Variants in ARGLU1 observed in about 807,000 individuals in gnomAD.
ARGLU1 encodes arginine and glutamate-rich protein 1.
In ARGLU1, 9 loss-of-function variants were observed where a neutral mutation model predicts 37.6. The ratio of observed to expected loss-of-function variants is 0.24; its 90% CI spans 0.14 to 0.42. ARGLU1 has a LOEUF of 0.42. Among genes scored for constraint, ARGLU1 ranks in the 10% least tolerant of loss-of-function variants. The probability of loss-of-function intolerance (pLI) is 1.00; values close to 1 mark genes in which losing one functional copy is unlikely to be tolerated. For missense variants in ARGLU1, 211 were observed against 359.2 expected, an observed-to-expected ratio of 0.59 and a Z score of 3.34; for synonymous variants, 166 against 138.5, an observed-to-expected ratio of 1.20 and a Z score of -1.39.
At chr13:106,548,633 T>C (rs1203936883) in intron 3 of ARGLU1, among the ~76,000 whole-genome samples, 1 of 152,172 alleles carries the variant, frequency 6.6e-6, no homozygotes, top group Non-Finnish European at 1.5e-5. Flanking sequence ...AAGGTGGCTT[T>C]CAACTTTGTA....
rs539812799 is a variant in ARGLU1, at chr13:106,549,805, G to A, written c.658-5645C>T. On this transcript the variant is annotated intron_variant, in intron 3 of 3. Transcript: ENST00000400198. ...CCATGGATTCCATGTTACCTGAAGT[G>A]AAGACAACTGTTTCAAAAGGAGGAA... Among the ~76,000 whole-genome samples the A allele has an allele frequency of 3.9e-5, 6 of 152,262 alleles. No individual in the cohort carries two copies. In the South Asian group the frequency reaches 1.2e-3, roughly 32 times the overall value.
At chr13:106,558,133 T>A (rs1880702829) in intron 2 of ARGLU1, 1 of 984,342 alleles carries the variant, frequency 1.0e-6, no homozygotes, top group South Asian at 4.7e-5. Context: ...AAAAAAAAAT[T>A]GTTAATATGA....
At position 106,557,653 on chromosome 13, in the gene ARGLU1, T is replaced by C; in HGVS notation, c.574-522A>G. On this transcript the variant is annotated intron_variant, in intron 2 of 3. Transcript: ENST00000400198. The surrounding 1 kb of genome is among the most constrained non-coding windows in gnomAD (Gnocchi z 5.0). ...TTTGTACTGTTAGCTTGGCAATACC[T>C]GCATCAGCAGCTCAACCATTTATAA... is the stretch of plus-strand genomic sequence containing the variant. 1 of 1,575,520 alleles carries C rather than the reference T, an allele frequency of 6.3e-7. No individual in the cohort carries two copies. Among genetic ancestry groups the C allele is most frequent in the South Asian group, 1.2e-5 (1 of 85,830 alleles).
At chr13:106,549,681 C>T (rs982988736) in intron 3 of ARGLU1, among the ~76,000 whole-genome samples, 1 of 152,184 alleles carries the variant, frequency 6.6e-6, no homozygotes, top group Non-Finnish European at 1.5e-5. Context: ...TTCCTATCAC[C>T]ACCTACTCCC....
chr13:106,552,248 A>G (rs1880549791), intron 3 of ARGLU1, among the ~76,000 whole-genome samples: 1 of 152,240 alleles, frequency 6.6e-6, no homozygotes, highest in Admixed American at 6.5e-5. Flanking sequence ...TGAACTTGGC[A>G]AGGGGTGAGA....
chr13:106,555,067 G>T (rs1480839798), intron 3 of ARGLU1, among the ~76,000 whole-genome samples: 1 of 151,646 alleles, frequency 6.6e-6, no homozygotes, highest in East Asian at 2.0e-4. Context: ...TCAGAATAGT[G>T]TCACTCTGGG....
chr13:106,554,358 T>C (rs1229706925), intron 3 of ARGLU1, among the ~76,000 whole-genome samples: 6 of 152,198 alleles, frequency 3.9e-5, no homozygotes, highest in Admixed American at 3.3e-4. Flanking sequence ...TTGCTTTATA[T>C]GGTATCAAGT....
rs898974689 is a variant in ARGLU1, at chr13:106,543,902, A to AAAAAAC, written c.*88_*93dup. ...CTAACTTTCCAGATTTTACAAATTA[A>AAAAAAC]AAAAACAAAAACAAAAACAAAAAAC... On this transcript the variant is annotated 3_prime_UTR_variant, in exon 4 of 4. Transcript: ENST00000400198. The AAAAAAC allele has an allele frequency of 6.9e-6, 9 of 1,311,172 alleles. No individual in the cohort carries two copies. Among genetic ancestry groups the AAAAAAC allele is most frequent in the African/African-American group, 6.2e-5 (4 of 64,826 alleles). The allele number at this position is 1,311,172 out of a possible 1,614,324, so 81.2% of individuals were successfully genotyped here.
rs142251600 is a variant in ARGLU1 at position 106,567,075 on chromosome 13, G to A, written c.347+498C>T. Among the ~76,000 whole-genome samples the A allele has an allele frequency of 2.2e-4, 34 of 152,134 alleles. No individual in the cohort carries two copies. The highest frequency in any genetic ancestry group is 7.7e-4 in the African/African-American group (32 of 41,510). Reference sequence around the variant, plus strand: ...GGACCACCTAAAGTGTATGATTCCCGAGATTAGTTAAGTCCTGTCCCAAAT... The same window carrying A: ...GGACCACCTAAAGTGTATGATTCCCAAGATTAGTTAAGTCCTGTCCCAAAT... On this transcript the variant is annotated intron_variant, in intron 1 of 3. Coordinates refer to ENST00000400198, the MANE Select transcript of ARGLU1 (RefSeq NM_018011.4). This position sits in a 1 kb window ranked among gnomAD's most constrained non-coding sequence, Gnocchi z 4.3.
chr13:106,554,847 T>C (rs892131344), intron 3 of ARGLU1, among the ~76,000 whole-genome samples: 1 of 150,340 alleles, frequency 6.7e-6, no homozygotes, highest in Admixed American at 6.6e-5. Flanking sequence ...ACTCCGCCAC[T>C]GCACTCCAGC....
intron 1 of ARGLU1, among the ~76,000 whole-genome samples, chr13:106,564,321 ACAT>A (rs1192577947): frequency 2.0e-5 from 3 of 152,222 alleles, no homozygotes; most frequent in Admixed American, 6.5e-5. Flanking sequence ...TACTTTAAAT[ACAT>A]CATCTCCAAT....
In ARGLU1 at chr13:106,561,505, C is replaced by T. The variant is rs529975940; in HGVS notation, c.348-1848G>A. Among the ~76,000 whole-genome samples the T allele has an allele frequency of 9.2e-4, 139 of 151,020 alleles. 1 individual carries two copies. The highest frequency in any genetic ancestry group is 3.2e-3 in the African/African-American group (131 of 41,020). ...TCTGAAATTAGTAAATGTAGAGAAGCCTAAGAAGAAACTTAATATTTAAAA... is the reference window on the plus strand; with the variant it reads ...TCTGAAATTAGTAAATGTAGAGAAGTCTAAGAAGAAACTTAATATTTAAAA... On this transcript the variant is annotated intron_variant, in intron 1 of 3. Transcript: ENST00000400198.
At chr13:106,558,393 C>A (rs1880711440) in intron 2 of ARGLU1, 1 of 985,262 alleles carries the variant, frequency 1.0e-6, no homozygotes, top group Admixed American at 6.2e-5. Flanking sequence ...AATATGTCAA[C>A]TTGTCCACAA....
chr13:106,565,242 A>G lies in ARGLU1; in HGVS notation c.347+2331T>C, dbSNP rs926750425. On this transcript the variant is annotated intron_variant, in intron 1 of 3. Coordinates refer to ENST00000400198, the MANE Select transcript of ARGLU1 (RefSeq NM_018011.4). ...CCTCTCCAGTCACTCCATGACTTAA[A>G]TATTTATAGAACTTCGTGTTCTAAG... Among the ~76,000 whole-genome samples, 6 of 152,316 alleles carry G rather than the reference A, an allele frequency of 3.9e-5. No individual in the cohort carries two copies. In the South Asian group the frequency reaches 1.2e-3, roughly 32 times the overall value.
In ARGLU1 at chr13:106,568,033, T is replaced by C; in HGVS notation, c.-114A>G. On this transcript the variant is annotated 5_prime_UTR_variant, in exon 1 of 4. Transcript: ENST00000400198. ...CTACCGAGGCCGGAGGAAAGAAAGG[T>C]GTCGGCCAACGGACTTTATGCCTTT... 7.0e-7 allele frequency: 1 copy of C among 1,430,528 alleles called. No homozygotes were observed. The highest frequency in any genetic ancestry group is 1.4e-5 in the South Asian group (1 of 70,828). 88.6% of individuals were successfully genotyped at this position (1,430,528 alleles called of 1,614,324 possible). A position where few individuals can be genotyped will look rare whatever the true frequency, so the allele number is the denominator to read the frequency against.
chr13:106,547,237 C>T (rs114153177), intron 3 of ARGLU1, among the ~76,000 whole-genome samples: 1,838 of 152,212 alleles, frequency 0.012, 29 homozygotes, highest in African/African-American at 0.042. Context: ...CCTGTTAGAG[C>T]AGCAAAAAAT....
At chr13:106,546,892 A>T (rs146875624) in intron 3 of ARGLU1, among the ~76,000 whole-genome samples, 66 of 152,294 alleles carry the variant, frequency 4.3e-4, no homozygotes, top group African/African-American at 1.6e-3. Flanking sequence ...TGGTTTCAGT[A>T]TGTCCCCCAA....
At chr13:106,562,748 T>C (rs1177035794) in intron 1 of ARGLU1, among the ~76,000 whole-genome samples, 1 of 152,132 alleles carries the variant, frequency 6.6e-6, no homozygotes, top group South Asian at 2.1e-4. Context: ...TCCCAGCACT[T>C]TGGGAGGCCC....
chr13:106,559,035 A>C (rs1297204892), intron 2 of ARGLU1: 1 of 1,193,664 alleles, frequency 8.4e-7, no homozygotes, highest in African/African-American at 1.6e-5. Context: ...AAAGCCTCTC[A>C]CAGTCTAGGT....
Sources: gnomAD v4.1 joint callset for allele counts (sites outside exome capture counted in the v4.1 genomes callset) on GRCh38, gnomAD v4.1.1 for gene constraint, Gnocchi (gnomAD v3.1) non-coding constraint, MANE v1.5 for transcripts, NCBI Gene and HGNC (gene_info 2026-07-23, HGNC 2026-07-21) for gene names.